The following DPP6 variants were observed in gnomAD, a reference collection of about 807,000 sequenced individuals.
DPP6 encodes the protein dipeptidyl peptidase like 6.
Under a neutral mutation model 122.6 loss-of-function variants are expected in DPP6, and 69 were observed. The observed-to-expected ratio is 0.56, with a 90% CI of 0.46 to 0.69. The LOEUF (loss-of-function observed/expected upper bound fraction) is 0.69, where lower values mean the gene tolerates loss of function less well. Among genes scored for constraint, DPP6 ranks in the 30% least tolerant of loss-of-function variants. The pLI is 0.00. For missense variants in DPP6, 928 were observed against 1,116.9 expected (o/e 0.83, Z 2.41); for synonymous variants, 418 against 433.1 (o/e 0.97, Z 0.43).
chr7:154,097,379 T>TA (rs1237994868), intron 1 of DPP6, among the ~76,000 whole-genome samples: 1 of 152,108 alleles, frequency 6.6e-6, no homozygotes, highest in African/African-American at 2.4e-5. Context: ...ACACCTCCAC[T>TA]CTCCCGCCGT....
chr7:154,337,922 G>GT (rs1809574053), intron 1 of DPP6, among the ~76,000 whole-genome samples: 2 of 152,180 alleles, frequency 1.3e-5, no homozygotes, highest in Admixed American at 6.5e-5. Context: ...CTTCTTGCGC[G>GT]TAAGCCTGTT....
chr7:153,992,250 CA>C (rs1352148023), intron 1 of DPP6, among the ~76,000 whole-genome samples: 1 of 152,196 alleles, frequency 6.6e-6, no homozygotes, highest in Admixed American at 6.5e-5. Flanking sequence ...TGTTCATTTG[CA>C]ATTGTCTTTT....
chr7:153,791,884 C>T, the DPP6 span, among the ~76,000 whole-genome samples: 7 of 152,148 alleles, frequency 4.6e-5, no homozygotes, highest in African/African-American at 1.7e-4. Context: ...ATTATTTGTA[C>T]CAAGTGATTT....
chr7:154,400,211 C>T (rs142347497), intron 1 of DPP6, among the ~76,000 whole-genome samples: 130 of 152,240 alleles, frequency 8.5e-4, no homozygotes, highest in African/African-American at 1.9e-3. Context: ...TTGCGGGAGA[C>T]GCCTCCTGAC....
chr7:154,657,946 T>C lies in DPP6; in HGVS notation c.681-11414T>C, dbSNP rs532367324. On this transcript the variant is annotated intron_variant, in intron 6 of 25. Transcript: ENST00000377770. ...AGACGCCAACCTGAAAGGCTACACT[T>C]TGTATGATTCCAACTATGTGACATT... 4.6e-4 allele frequency among the ~76,000 whole-genome samples: 70 copies of C among 152,342 alleles called. 2 individuals carry two copies. The South Asian group carries it at 0.011, about 23-fold the overall frequency.
intron 1 of DPP6, among the ~76,000 whole-genome samples, chr7:154,091,744 G>T (rs973121379): frequency 2.4e-4 from 36 of 152,106 alleles, no homozygotes; most frequent in Non-Finnish European, 4.7e-4. Context: ...AGATAGGGCG[G>T]TGTCACTGCC....
intron 5 of DPP6, among the ~76,000 whole-genome samples, chr7:154,596,024 C>G (rs542925550): frequency 2.0e-5 from 3 of 152,198 alleles, no homozygotes; most frequent in Admixed American, 6.5e-5. Flanking sequence ...TGTGCCGCTA[C>G]ACTCCTGCCT....
At chr7:154,537,157 A>G (rs140504463) in intron 3 of DPP6, among the ~76,000 whole-genome samples, 4 of 152,176 alleles carry the variant, frequency 2.6e-5, no homozygotes, top group Non-Finnish European at 5.9e-5. Context: ...ACATAAAACT[A>G]ATGAATATTT....
chr7:154,811,223 G>A (rs776476447), intron 16 of DPP6, among the ~76,000 whole-genome samples: 1 of 152,142 alleles, frequency 6.6e-6, no homozygotes, highest in Non-Finnish European at 1.5e-5. Flanking sequence ...TTCTGAAAAG[G>A]TTTAAATTTA....
chr7:153,996,686 A>G (rs1018797709), intron 1 of DPP6, among the ~76,000 whole-genome samples: 3 of 151,998 alleles, frequency 2.0e-5, no homozygotes, highest in African/African-American at 7.3e-5. Context: ...TGTCCTTCCA[A>G]GCCTTTTGAA....
chr7:154,694,472 C>T lies in DPP6; in HGVS notation c.762+25031C>T, dbSNP rs182484361. On this transcript the variant is annotated intron_variant, in intron 7 of 25. Coordinates refer to ENST00000377770, the MANE Select transcript of DPP6 (RefSeq NM_130797.4). ...ACTAAAAATACAAAAATTAGCCAGG[C>T]ATGGTGGCGGGTGCCTGTAATCCCA... 4.5e-3 allele frequency among the ~76,000 whole-genome samples: 683 copies of T among 152,252 alleles called. 5 individuals are homozygous for T. Among genetic ancestry groups the T allele is most frequent in the African/African-American group, 0.015 (638 of 41,560 alleles).
In DPP6 at chr7:154,624,851, C is replaced by T. The variant is rs764406831; in HGVS notation, c.628-12970C>T. Among the ~76,000 whole-genome samples, 1 of 152,170 alleles carries T rather than the reference C, an allele frequency of 6.6e-6. No homozygotes were observed. Among genetic ancestry groups the T allele is most frequent in the Non-Finnish European group, 1.5e-5 (1 of 68,028 alleles). On this transcript the variant is annotated intron_variant, in intron 5 of 25. Transcript: ENST00000377770. This position sits in a 1 kb window ranked among gnomAD's most constrained non-coding sequence, Gnocchi z 4.7. ...CTAACAGAAGCAGGCACACAGCGGC[C>T]CCGTCTTCCTCCCATCTGTGAGCAT...
At chr7:154,157,983 A>ATACATATATATATGTATATAAATATG (rs1796777202) in intron 1 of DPP6, among the ~76,000 whole-genome samples, 2 of 148,220 alleles carry the variant, frequency 1.3e-5, no homozygotes, top group African/African-American at 4.9e-5. Flanking sequence ...ATATAAATAT[A>ATACATATATATATGTATATAAATATG]TATACATATA....
At chr7:154,623,664 C>T (rs1425974930) in intron 5 of DPP6, among the ~76,000 whole-genome samples, 1 of 151,766 alleles carries the variant, frequency 6.6e-6, no homozygotes, top group Admixed American at 6.6e-5. Flanking sequence ...CGCACACACA[C>T]GCACACACAC....
chr7:154,445,312 A>C (rs1819765672), intron 1 of DPP6, among the ~76,000 whole-genome samples: 1 of 152,194 alleles, frequency 6.6e-6, no homozygotes, highest in Admixed American at 6.5e-5. Context: ...TGTATAATTA[A>C]TAATAATCCA....
At chr7:154,087,358 T>G (rs1804498267) in intron 1 of DPP6, among the ~76,000 whole-genome samples, 1 of 152,088 alleles carries the variant, frequency 6.6e-6, no homozygotes, top group East Asian at 1.9e-4. Flanking sequence ...AGAGTTTAAA[T>G]TGGCAAGTAA....
In DPP6 at chr7:154,694,377, C is replaced by T. The variant is rs6961666; in HGVS notation, c.762+24936C>T. 5.0e-3 allele frequency among the ~76,000 whole-genome samples: 754 copies of T among 152,134 alleles called. 7 individuals are homozygous for T. The highest frequency in any genetic ancestry group is 0.017 in the African/African-American group (721 of 41,478). On this transcript the variant is annotated intron_variant, in intron 7 of 25. Transcript: ENST00000377770. ...CTGTAATCCCAGCACTTTGGGAGGC[C>T]GAGGTGGGTGGATCGCTTGAGGTCA...
At chr7:154,253,946 C>T (rs563546825) in intron 1 of DPP6, among the ~76,000 whole-genome samples, 3 of 152,260 alleles carry the variant, frequency 2.0e-5, no homozygotes, top group Admixed American at 6.5e-5. Flanking sequence ...AGAGAGCAAG[C>T]GCAAAGCAGG....
chr7:153,868,142 G>A, the DPP6 span, among the ~76,000 whole-genome samples: 1 of 152,024 alleles, frequency 6.6e-6, no homozygotes, highest in Non-Finnish European at 1.5e-5. Context: ...CCCGGCTTTG[G>A]TATCAGGATG....
Sources: gnomAD v4.1 joint callset for allele counts (sites outside exome capture counted in the v4.1 genomes callset) on GRCh38, gnomAD v4.1.1 for gene constraint, Gnocchi (gnomAD v3.1) non-coding constraint, MANE v1.5 for transcripts, NCBI Gene and HGNC (gene_info 2026-07-23, HGNC 2026-07-21) for gene names.